PURA: variants seen among roughly 807,000 people sequenced by gnomAD.
PURA encodes purine rich element binding protein A.
Under a neutral mutation model 23.1 loss-of-function variants are expected in PURA, and 2 were observed. The observed-to-expected ratio is 0.09, with a 90% CI of 0.04 to 0.27. The LOEUF (loss-of-function observed/expected upper bound fraction) is 0.27, where lower values mean the gene tolerates loss of function less well. Ranked by LOEUF, PURA falls within the 10% of genes least tolerant of loss-of-function variation. The probability of loss-of-function intolerance (pLI) is 1.00; values close to 1 mark genes in which losing one functional copy is unlikely to be tolerated. For synonymous variants in PURA, 254 were observed against 205.9 expected, an observed-to-expected ratio of 1.23 and a Z score of -2.00; for missense variants, 187 against 449.7, an observed-to-expected ratio of 0.42 and a Z score of 5.28.
Position 140,121,064 on chromosome 5 carries a change from T to G in PURA, c.*5914T>G, listed in dbSNP as rs1763147924. Reference sequence around the variant, plus strand: ...CATGTTTTCATAAATACACACATTGTTTTGATAATTATTAGCAATTAGCTT... The same window carrying G: ...CATGTTTTCATAAATACACACATTGGTTTGATAATTATTAGCAATTAGCTT... On this transcript the variant is annotated 3_prime_UTR_variant, in exon 1 of 1. Coordinates refer to ENST00000331327, the MANE Select transcript of PURA (RefSeq NM_005859.5). 6.0e-6 allele frequency: 1 copy of G among 166,964 alleles called. No individual in the cohort carries two copies. The highest frequency in any genetic ancestry group is 1.5e-5 in the Non-Finnish European group (1 of 68,014). The allele number at this position is 166,964 out of a possible 1,614,324, so 10.3% of individuals were successfully genotyped here.
At position 140,117,954 on chromosome 5, in the gene PURA, C is replaced by T. The variant is rs976502051; in HGVS notation, c.*2804C>T. The T allele has an allele frequency of 1.2e-5, 2 of 166,904 alleles. No homozygotes were observed. Among genetic ancestry groups the T allele is most frequent in the East Asian group, 3.8e-4 (2 of 5,202 alleles). 10.3% of individuals were successfully genotyped at this position (166,904 alleles called of 1,614,324 possible). On this transcript the variant is annotated 3_prime_UTR_variant, in exon 1 of 1. Transcript: ENST00000331327. ...TTACCTCCCCAAGCACCCTCCCAAA[C>T]CTTGTCTTCCCTCTTCTGTTGCATC...
chr5:140,116,757 G>A lies in PURA; in HGVS notation c.*1607G>A, dbSNP rs1372517041. On this transcript the variant is annotated 3_prime_UTR_variant, in exon 1 of 1. Coordinates refer to ENST00000331327, the MANE Select transcript of PURA (RefSeq NM_005859.5). ...TATCATCTTTGAGTGAAGAGAAAAT[G>A]TTATAAAAAAGATGCCTTAAACAGT... 6.4e-6 allele frequency: 1 copy of A among 155,742 alleles called. No individual in the cohort carries two copies. The highest frequency in any genetic ancestry group is 1.5e-5 in the Non-Finnish European group (1 of 66,026). The allele number at this position is 155,742 out of a possible 1,614,324, so 9.6% of individuals were successfully genotyped here.
rs1561795075 is a variant in PURA at position 140,121,407 on chromosome 5, A to G, written c.*6257A>G. 1 of 166,942 alleles carries G rather than the reference A, an allele frequency of 6.0e-6. No individual in the cohort carries two copies. Among genetic ancestry groups the G allele is most frequent in the South Asian group, 2.1e-4 (1 of 4,834 alleles). 10.3% of individuals were successfully genotyped at this position (166,942 alleles called of 1,614,324 possible). On this transcript the variant is annotated 3_prime_UTR_variant, in exon 1 of 1. Coordinates refer to ENST00000331327, the MANE Select transcript of PURA (RefSeq NM_005859.5). ...GCCATCAGCTAATGACTTATCAGAC[A>G]CATGTTGAGTTTGGGTCAAACTCCC...
rs989167610 is a variant in PURA, at chr5:140,123,147, A to G, written c.*7997A>G. ...TTATAATAGTTATATACTATAACTC[A>G]TTTAAGTCAATGCAAAGCCTTCTTA... On this transcript the variant is annotated 3_prime_UTR_variant, in exon 1 of 1. Coordinates refer to ENST00000331327, the MANE Select transcript of PURA (RefSeq NM_005859.5). 1 of 166,974 alleles carries G rather than the reference A, an allele frequency of 6.0e-6. No homozygotes were observed. Among genetic ancestry groups the G allele is most frequent in the Non-Finnish European group, 1.5e-5 (1 of 68,040 alleles). The allele number at this position is 166,974 out of a possible 1,614,324, so 10.3% of individuals were successfully genotyped here. A position where few individuals can be genotyped will look rare whatever the true frequency, so the allele number is the denominator to read the frequency against.
In PURA at chr5:140,124,694, T is replaced by G. The variant is rs1763187323; in HGVS notation, c.*9544T>G. 1 of 166,972 alleles carries G rather than the reference T, an allele frequency of 6.0e-6. No individual in the cohort carries two copies. Among genetic ancestry groups the G allele is most frequent in the Non-Finnish European group, 1.5e-5 (1 of 68,106 alleles). The allele number at this position is 166,972 out of a possible 1,614,324, so 10.3% of individuals were successfully genotyped here. The stretch of plus-strand genomic sequence containing the variant: ...ATAATCCTTTACTCAAAATCATAAG[T>G]TAAAGATTCACATCATTAAGAGTTA... On this transcript the variant is annotated 3_prime_UTR_variant, in exon 1 of 1. Coordinates refer to ENST00000331327, the MANE Select transcript of PURA (RefSeq NM_005859.5).
Position 140,114,155 on chromosome 5 carries a change from G to T in PURA, c.-27G>T. The T allele has an allele frequency of 1.7e-6, 1 of 591,752 alleles. No homozygotes were observed. Among genetic ancestry groups the T allele is most frequent in the Non-Finnish European group, 2.4e-6 (1 of 417,166 alleles). The allele number at this position is 591,752 out of a possible 1,614,324, so 36.7% of individuals were successfully genotyped here. A position where few individuals can be genotyped will look rare whatever the true frequency, so the allele number is the denominator to read the frequency against. On this transcript the variant is annotated 5_prime_UTR_variant, in exon 1 of 1. Transcript: ENST00000331327. ...GGCGGCGGGCGGAGCGGCAGGCGGC[G>T]GCGGCGCGGCAGCGGAGCGCAGCAT...
chr5:140,114,157 C>A lies in PURA; in HGVS notation c.-25C>A. On this transcript the variant is annotated 5_prime_UTR_variant, in exon 1 of 1. Coordinates refer to ENST00000331327, the MANE Select transcript of PURA (RefSeq NM_005859.5). ...CGGCGGGCGGAGCGGCAGGCGGCGG[C>A]GGCGCGGCAGCGGAGCGCAGCATCA... 1.7e-6 allele frequency: 1 copy of A among 605,736 alleles called. No individual in the cohort carries two copies. Among genetic ancestry groups the A allele is most frequent in the Non-Finnish European group, 2.3e-6 (1 of 430,988 alleles). 37.5% of individuals were successfully genotyped at this position (605,736 alleles called of 1,614,324 possible).
rs1366189938 is a variant in PURA at position 140,115,954 on chromosome 5, A to T, written c.*804A>T. The T allele has an allele frequency of 6.0e-6, 1 of 167,078 alleles. No individual in the cohort carries two copies. Among genetic ancestry groups the T allele is most frequent in the Non-Finnish European group, 1.5e-5 (1 of 68,122 alleles). The allele number at this position is 167,078 out of a possible 1,614,324, so 10.3% of individuals were successfully genotyped here. ...CTTCTGTGAACATGAAGAAATTATT[A>T]AAAAAGGCATTTAAATGAAATTTGC... On this transcript the variant is annotated 3_prime_UTR_variant, in exon 1 of 1. Coordinates refer to ENST00000331327, the MANE Select transcript of PURA (RefSeq NM_005859.5). The surrounding 1 kb of genome is among the most constrained non-coding windows in gnomAD (Gnocchi z 4.1).
In PURA at chr5:140,124,179, T is replaced by C. The variant is rs565973883; in HGVS notation, c.*9029T>C. On this transcript the variant is annotated 3_prime_UTR_variant, in exon 1 of 1. Coordinates refer to ENST00000331327, the MANE Select transcript of PURA (RefSeq NM_005859.5). Reference sequence around the variant, plus strand: ...CAAAAAAATTTAAAAATTGATAGTTTTATCAATGGAACAGAGAGATGTGTT... The same window carrying C: ...CAAAAAAATTTAAAAATTGATAGTTCTATCAATGGAACAGAGAGATGTGTT... The C allele has an allele frequency of 6.0e-6, 1 of 167,058 alleles. No homozygotes were observed. The highest frequency in any genetic ancestry group is 1.5e-5 in the Non-Finnish European group (1 of 68,088). 10.3% of individuals were successfully genotyped at this position (167,058 alleles called of 1,614,324 possible). A position where few individuals can be genotyped will look rare whatever the true frequency, so the allele number is the denominator to read the frequency against.
rs1386467592 is a variant in PURA, at chr5:140,114,116, GCTGAGGCGA to G, written c.-57_-49del. ...GAGCCGGGGAGGGAAAGCAGCGGCG[GCTGAGGCGA>G]CTGAGGCGGCGGGCGGAGCGGCAGG... On this transcript the variant is annotated 5_prime_UTR_variant, in exon 1 of 1. Transcript: ENST00000331327. The G allele has an allele frequency of 7.9e-5, 27 of 341,616 alleles. No homozygotes were observed. The highest frequency in any genetic ancestry group is 4.2e-4 in the Admixed American group (8 of 19,018). 21.2% of individuals were successfully genotyped at this position (341,616 alleles called of 1,614,324 possible).
chr5:140,115,997 G>C lies in PURA; in HGVS notation c.*847G>C, dbSNP rs938278249. On this transcript the variant is annotated 3_prime_UTR_variant, in exon 1 of 1. Coordinates refer to ENST00000331327, the MANE Select transcript of PURA (RefSeq NM_005859.5). The surrounding 1 kb of genome is among the most constrained non-coding windows in gnomAD (Gnocchi z 4.1). ...AAATTTGCTAAGTTGTGATTTTTATGGTTGGAACCAAAGTTATTCAAATAG... is the reference window on the plus strand; with the variant it reads ...AAATTTGCTAAGTTGTGATTTTTATCGTTGGAACCAAAGTTATTCAAATAG... The C allele has an allele frequency of 6.0e-6, 1 of 167,016 alleles. No individual in the cohort carries two copies. Among genetic ancestry groups the C allele is most frequent in the African/African-American group, 2.4e-5 (1 of 41,438 alleles). 10.3% of individuals were successfully genotyped at this position (167,016 alleles called of 1,614,324 possible). A position where few individuals can be genotyped will look rare whatever the true frequency, so the allele number is the denominator to read the frequency against.
Position 140,115,088 on chromosome 5 carries a change from CAGG to C in PURA, c.913_915del (p.Glu305del). On this transcript the variant is annotated inframe_deletion, in exon 1 of 1. Coordinates refer to ENST00000331327, the MANE Select transcript of PURA (RefSeq NM_005859.5). This position sits in a 1 kb window ranked among gnomAD's most constrained non-coding sequence, Gnocchi z 4.1. ...GCTTCACCAGCAGCAACAGCAGCAG[CAGG>C]AGGAGACCGCCGCTGCCACCCTGCT... The C allele has an allele frequency of 1.2e-6, 2 of 1,610,734 alleles. No homozygotes were observed. The highest frequency in any genetic ancestry group is 1.7e-6 in the Non-Finnish European group (2 of 1,178,594).
rs184829562 is a variant in PURA at position 140,120,943 on chromosome 5, T to G, written c.*5793T>G. ...TTTGCTTTTGTGGAAGATTGTCCTG[T>G]TGATAGGCAGAAACATGGTGGTGAT... is the stretch of plus-strand genomic sequence containing the variant. On this transcript the variant is annotated 3_prime_UTR_variant, in exon 1 of 1. Transcript: ENST00000331327. 402 of 167,032 alleles carry G rather than the reference T, an allele frequency of 2.4e-3. No homozygotes were observed. The highest frequency in any genetic ancestry group is 3.8e-3 in the Non-Finnish European group (257 of 67,982). The allele number at this position is 167,032 out of a possible 1,614,324, so 10.3% of individuals were successfully genotyped here.
rs530159072 is a variant in PURA, at chr5:140,120,427, G to A, written c.*5277G>A. ...TTCATTGCATATTAACCAAATTTTG[G>A]CCATTCATAAGTATGCTATAAAACT... On this transcript the variant is annotated 3_prime_UTR_variant, in exon 1 of 1. Transcript: ENST00000331327. 6.0e-6 allele frequency: 1 copy of A among 166,514 alleles called. No individual in the cohort carries two copies. The highest frequency in any genetic ancestry group is 2.4e-5 in the African/African-American group (1 of 41,364). The allele number at this position is 166,514 out of a possible 1,614,324, so 10.3% of individuals were successfully genotyped here.
At position 140,120,004 on chromosome 5, in the gene PURA, G is replaced by A. The variant is rs1763132284; in HGVS notation, c.*4854G>A. 6.0e-6 allele frequency: 1 copy of A among 166,702 alleles called. No individual in the cohort carries two copies. The highest frequency in any genetic ancestry group is 1.5e-5 in the Non-Finnish European group (1 of 67,916). The allele number at this position is 166,702 out of a possible 1,614,324, so 10.3% of individuals were successfully genotyped here. Reference sequence around the variant, plus strand: ...TAAGATTTTCTTCACCATAAAAAGTGAGATACCAAGTCTAATGACTTTTTT... The same window carrying A: ...TAAGATTTTCTTCACCATAAAAAGTAAGATACCAAGTCTAATGACTTTTTT... On this transcript the variant is annotated 3_prime_UTR_variant, in exon 1 of 1. Coordinates refer to ENST00000331327, the MANE Select transcript of PURA (RefSeq NM_005859.5).
chr5:140,123,979 G>A lies in PURA; in HGVS notation c.*8829G>A, dbSNP rs540259852. ...TTGTTATATTGAATATTCCTTTTTG[G>A]AATTCAGGGTTGAATCACTTTGAGG... On this transcript the variant is annotated 3_prime_UTR_variant, in exon 1 of 1. Coordinates refer to ENST00000331327, the MANE Select transcript of PURA (RefSeq NM_005859.5). 6.0e-6 allele frequency: 1 copy of A among 166,950 alleles called. No homozygotes were observed. Among genetic ancestry groups the A allele is most frequent in the South Asian group, 2.1e-4 (1 of 4,826 alleles). The allele number at this position is 166,950 out of a possible 1,614,324, so 10.3% of individuals were successfully genotyped here. A position where few individuals can be genotyped will look rare whatever the true frequency, so the allele number is the denominator to read the frequency against.
At position 140,114,162 on chromosome 5, in the gene PURA, C is replaced by T; in HGVS notation, c.-20C>T. 1 of 637,328 alleles carries T rather than the reference C, an allele frequency of 1.6e-6. No homozygotes were observed. Among genetic ancestry groups the T allele is most frequent in the Non-Finnish European group, 2.2e-6 (1 of 459,964 alleles). 39.5% of individuals were successfully genotyped at this position (637,328 alleles called of 1,614,324 possible). ...GGCGGAGCGGCAGGCGGCGGCGGCG[C>T]GGCAGCGGAGCGCAGCATCATGGCG... is the stretch of plus-strand genomic sequence containing the variant. On this transcript the variant is annotated 5_prime_UTR_variant, in exon 1 of 1. Coordinates refer to ENST00000331327, the MANE Select transcript of PURA (RefSeq NM_005859.5).
rs910970141 is a variant in PURA, at chr5:140,117,214, A to G, written c.*2064A>G. The G allele has an allele frequency of 1.2e-5, 2 of 167,058 alleles. No homozygotes were observed. The highest frequency in any genetic ancestry group is 4.8e-5 in the African/African-American group (2 of 41,450). The allele number at this position is 167,058 out of a possible 1,614,324, so 10.3% of individuals were successfully genotyped here. A position where few individuals can be genotyped will look rare whatever the true frequency, so the allele number is the denominator to read the frequency against. ...CCGTACAGTAGTTAGGAGTTTCTTT[A>G]CTTACAAAATCACTGGAAATGATTA... On this transcript the variant is annotated 3_prime_UTR_variant, in exon 1 of 1. Coordinates refer to ENST00000331327, the MANE Select transcript of PURA (RefSeq NM_005859.5).
rs1442197766 is a variant in PURA at position 140,124,274 on chromosome 5, A to G, written c.*9124A>G. The G allele has an allele frequency of 1.2e-5, 2 of 167,000 alleles. No individual in the cohort carries two copies. Among genetic ancestry groups the G allele is most frequent in the South Asian group, 2.1e-4 (1 of 4,824 alleles). The allele number at this position is 167,000 out of a possible 1,614,324, so 10.3% of individuals were successfully genotyped here. On this transcript the variant is annotated 3_prime_UTR_variant, in exon 1 of 1. Coordinates refer to ENST00000331327, the MANE Select transcript of PURA (RefSeq NM_005859.5). ...TATATTCCCTTTCCCATAGCTTTGTACACACCTCATACTTAAAACCAAGTG... is the reference window on the plus strand; with the variant it reads ...TATATTCCCTTTCCCATAGCTTTGTGCACACCTCATACTTAAAACCAAGTG...
Sources: allele counts gnomAD v4.1 joint callset, GRCh38; gene constraint gnomAD v4.1.1; non-coding constraint Gnocchi (gnomAD v3.1); transcripts MANE v1.5; gene names NCBI Gene and HGNC (gene_info 2026-07-23, HGNC 2026-07-21).